EYA4: variants seen among roughly 807,000 people sequenced by gnomAD.
The protein encoded by EYA4 is protein phosphatase EYA4.
EYA4 carries 31 observed loss-of-function variants against 87.9 expected under a neutral mutation model. The ratio of observed to expected loss-of-function variants is 0.35; its 90% CI spans 0.27 to 0.48. EYA4 has a LOEUF of 0.48. Among genes scored for constraint, EYA4 ranks in the 20% least tolerant of loss-of-function variants. The probability of loss-of-function intolerance (pLI) is 0.99; values close to 1 mark genes in which losing one functional copy is unlikely to be tolerated. For synonymous variants in EYA4, 263 were observed against 270.6 expected, an observed-to-expected ratio of 0.97 and a Z score of 0.28; for missense variants, 678 against 761.4, an observed-to-expected ratio of 0.89 and a Z score of 1.29.
At chr6:133,454,906 C>T (rs970871247) in intron 5 of EYA4, among the ~76,000 whole-genome samples, 2 of 152,050 alleles carry the variant, frequency 1.3e-5, no homozygotes, top group Non-Finnish European at 2.9e-5. Flanking sequence ...CAGCCTGATA[C>T]GGTGGAAAGA....
intron 1 of EYA4, among the ~76,000 whole-genome samples, chr6:133,245,441 T>C (rs1774328314): frequency 6.6e-6 from 1 of 152,210 alleles, no homozygotes; most frequent in Admixed American, 6.5e-5. Context: ...TGCTAAACTC[T>C]TATAACGTGC....
chr6:133,290,657 T>C (rs211435), intron 2 of EYA4, among the ~76,000 whole-genome samples: 95,285 of 151,990 alleles, frequency 0.63, 30,573 homozygotes, highest in East Asian at 0.77. Context: ...ATTGCCATGC[T>C]TGATACAGAG....
At position 133,491,951 on chromosome 6, in the gene EYA4, C is replaced by CAAAAAAAAAA. The variant is rs34316449; in HGVS notation, c.1191+8847_1191+8856dup. 8.1e-4 allele frequency among the ~76,000 whole-genome samples: 68 copies of CAAAAAAAAAA among 83,684 alleles called. 2 individuals carry two copies. Among genetic ancestry groups the CAAAAAAAAAA allele is most frequent in the Middle Eastern group, 6.1e-3 (1 of 164 alleles). The allele number at this position is 83,684 out of a possible 152,430, so 54.9% of individuals were successfully genotyped here. On this transcript the variant is annotated intron_variant, in intron 13 of 19. Transcript: ENST00000355286. ...TGGGGGACAGAGTGAAACTCCGTCT[C>CAAAAAAAAAA]AAAAAAAAAAAAAAAAAAAAGAGGA...
intron 12 of EYA4, among the ~76,000 whole-genome samples, 170 bp downstream of exon 12, chr6:133,481,769 A>T (rs367923226): frequency 3.3e-5 from 5 of 152,322 alleles, no homozygotes; most frequent in African/African-American, 1.2e-4. Context: ...TTGAGATTCC[A>T]TCCATTATAA....
At chr6:133,287,525 T>C (rs958835000) in intron 2 of EYA4, among the ~76,000 whole-genome samples, 10 of 118,916 alleles carry the variant, frequency 8.4e-5, no homozygotes, top group African/African-American at 2.6e-4. Context: ...GAAATCTGGC[T>C]GAGAAGCACT....
intron 11 of EYA4, among the ~76,000 whole-genome samples, chr6:133,474,463 C>A (rs937514231): frequency 6.6e-6 from 1 of 152,062 alleles, no homozygotes; most frequent in African/African-American, 2.4e-5. Flanking sequence ...TTCTGACATT[C>A]ACTATCAGAA....
Position 133,531,240 on chromosome 6 carries a change from G to C in EYA4, c.*2435G>C. ...CTGCCGGCATAAAACCTAAATGCAA[G>C]GTTGACGGAGAACAGCTTGTCTGGC... On this transcript the variant is annotated 3_prime_UTR_variant, in exon 20 of 20. Coordinates refer to ENST00000355286, the MANE Select transcript of EYA4 (RefSeq NM_004100.5). The C allele has an allele frequency of 1.3e-6, 2 of 1,526,110 alleles. No homozygotes were observed. Among genetic ancestry groups the C allele is most frequent in the Non-Finnish European group, 1.8e-6 (2 of 1,138,736 alleles). 94.5% of individuals were successfully genotyped at this position (1,526,110 alleles called of 1,614,324 possible). A position where few individuals can be genotyped will look rare whatever the true frequency, so the allele number is the denominator to read the frequency against.
intron 3 of EYA4, among the ~76,000 whole-genome samples, chr6:133,410,418 A>T (rs909241264): frequency 6.6e-6 from 1 of 151,850 alleles, no homozygotes; most frequent in African/African-American, 2.4e-5. Flanking sequence ...GGAAGAAAAT[A>T]TATTATTTTG....
chr6:133,335,590 A>G (rs921702788), intron 2 of EYA4, among the ~76,000 whole-genome samples: 2 of 152,226 alleles, frequency 1.3e-5, no homozygotes, highest in East Asian at 1.9e-4. Flanking sequence ...GTAAGTAGTT[A>G]AATGGTTTCT....
intron 1 of EYA4, among the ~76,000 whole-genome samples, chr6:133,267,940 G>A (rs1220022267): frequency 2.0e-5 from 3 of 152,002 alleles, no homozygotes; most frequent in Non-Finnish European, 4.4e-5. Flanking sequence ...ATTAGAAAAT[G>A]ACATTGTTAC....
In EYA4 at chr6:133,342,605, A is replaced by ATATATATATATTATATATATATATATATC. The variant is rs1485897156; in HGVS notation, c.34-39787_34-39786insTATATATATATTATATATATATATATATC. Among the ~76,000 whole-genome samples, 30 of 130,454 alleles carry ATATATATATATTATATATATATATATATC rather than the reference A, an allele frequency of 2.3e-4. 1 individual carries two copies. The highest frequency in any genetic ancestry group is 8.5e-4 in the African/African-American group (26 of 30,554). 85.6% of individuals were successfully genotyped at this position (130,454 alleles called of 152,430 possible). ...TATATATATATATATATATATATAT[A>ATATATATATATTATATATATATATATATC]ATTCTTTATATTTCTCTGGGCTTAA... On this transcript the variant is annotated intron_variant, in intron 2 of 19. Coordinates refer to ENST00000355286, the MANE Select transcript of EYA4 (RefSeq NM_004100.5).
intron 1 of EYA4, among the ~76,000 whole-genome samples, chr6:133,244,240 C>T (rs570000259): frequency 2.5e-4 from 38 of 152,080 alleles, no homozygotes; most frequent in African/African-American, 8.4e-4. Flanking sequence ...TTGTAACTAC[C>T]GGTTGGTTCA....
intron 2 of EYA4, among the ~76,000 whole-genome samples, chr6:133,283,470 A>G (rs1346994851): frequency 6.6e-6 from 1 of 152,168 alleles, no homozygotes; most frequent in Admixed American, 6.5e-5. Flanking sequence ...GTTAATGTTC[A>G]TCGATAGAGG....
intron 1 of EYA4, among the ~76,000 whole-genome samples, chr6:133,257,314 G>A (rs1376448117): frequency 6.6e-6 from 1 of 152,072 alleles, no homozygotes. Flanking sequence ...AACATGTGGG[G>A]TAGCCTGGAA....
chr6:133,488,137 G>A (rs1367808331), intron 13 of EYA4, among the ~76,000 whole-genome samples: 1 of 152,174 alleles, frequency 6.6e-6, no homozygotes, highest in African/African-American at 2.4e-5. Flanking sequence ...AGTGGTCATG[G>A]GAGAGAATTT....
At chr6:133,254,688 T>C (rs1200291117) in intron 1 of EYA4, among the ~76,000 whole-genome samples, 1 of 152,224 alleles carries the variant, frequency 6.6e-6, no homozygotes, top group East Asian at 1.9e-4. Context: ...CACTACATCA[T>C]GACAAAGCAT....
intron 3 of EYA4, among the ~76,000 whole-genome samples, chr6:133,415,222 G>C (rs145859168): frequency 2.0e-5 from 3 of 152,172 alleles, no homozygotes; most frequent in Non-Finnish European, 2.9e-5. Flanking sequence ...TTACTGGGTA[G>C]GTAAGTGATC....
chr6:133,274,197 T>C (rs907739872), intron 1 of EYA4, among the ~76,000 whole-genome samples: 3 of 152,226 alleles, frequency 2.0e-5, no homozygotes, highest in African/African-American at 7.2e-5. Flanking sequence ...CTTTAACATA[T>C]TGTCTTTTTA....
intron 2 of EYA4, among the ~76,000 whole-genome samples, chr6:133,343,796 T>C (rs1782996983): frequency 6.6e-6 from 1 of 152,074 alleles, no homozygotes; most frequent in African/African-American, 2.4e-5. Flanking sequence ...ACTATGTTTT[T>C]CATAAATATT....
Sources: gnomAD v4.1 joint callset for allele counts (sites outside exome capture counted in the v4.1 genomes callset) on GRCh38, gnomAD v4.1.1 for gene constraint, MANE v1.5 for transcripts, NCBI Gene and HGNC (gene_info 2026-07-23, HGNC 2026-07-21) for gene names.